Variants in YAE1 observed in about 807,000 individuals in gnomAD.
YAE1 encodes the protein protein YAE1 homolog.
A neutral mutation model predicts 23.0 loss-of-function variants in YAE1; 22 were observed. The ratio of observed to expected loss-of-function variants is 0.96; its 90% CI spans 0.68 to 1.37. The LOEUF is 1.37. Ranked by LOEUF, YAE1 falls within the 40% of genes most tolerant of loss-of-function variation. The pLI is 0.00. For missense variants in YAE1, 260 were observed against 262.1 expected (o/e 0.99, Z 0.06); for synonymous variants, 101 against 97.0 (o/e 1.04, Z -0.24).
intron 2 of YAE1, among the ~76,000 whole-genome samples, chr7:39,583,281 C>T (rs1790772412): frequency 6.6e-6 from 1 of 152,142 alleles, no homozygotes; most frequent in African/African-American, 2.4e-5. Flanking sequence ...GCAGATAAAA[C>T]TCTGGGAGTG....
chr7:39,572,285 T>A lies in YAE1; in HGVS notation c.260T>A (p.Leu87His), dbSNP rs369775449. The stretch of plus-strand genomic sequence containing the variant: ...TTTATACTTTTGTTCAGTGCTTTGC[T>A]CTCCTGGTGTCACCTTCATAATAAT... ...GRLRGTLSAL[L>H]SWCHLHNNNS... is the part of the protein sequence containing the mutation. Residue 87 changes from leucine to histidine, a missense_variant, in exon 3 of 3, where the codon CTC becomes CAC. Physicochemically the swap from Leu to His is moderately conservative, Grantham distance 99 (BLOSUM62 -3). Coordinates refer to ENST00000223273, the MANE Select transcript of YAE1 (RefSeq NM_020192.5). The A allele has an allele frequency of 5.0e-6, 8 of 1,609,168 alleles. No homozygotes were observed. In the African/African-American group the frequency reaches 1.1e-4, roughly 22 times the overall value.
In YAE1 at chr7:39,566,736, A is replaced by G. The variant is rs1278012871; in HGVS notation, c.129+189A>G. On this transcript the variant is annotated intron_variant, in intron 1 of 2. Transcript: ENST00000223273. ...GAAAGCGTGTAAAACAACAAGACGC[A>G]TTCTTTGAGCGCCTACGGGATGCGT... 6 of 778,158 alleles carry G rather than the reference A, an allele frequency of 7.7e-6. No individual in the cohort carries two copies. In the South Asian group the frequency reaches 1.2e-4, roughly 15 times the overall value. The allele number at this position is 778,158 out of a possible 1,614,324, so 48.2% of individuals were successfully genotyped here. A position where few individuals can be genotyped will look rare whatever the true frequency, so the allele number is the denominator to read the frequency against.
intron 2 of YAE1, among the ~76,000 whole-genome samples, chr7:39,583,423 G>A (rs1020557150): frequency 6.6e-6 from 1 of 152,146 alleles, no homozygotes; most frequent in East Asian, 1.9e-4. Flanking sequence ...AACTCCAGGG[G>A]AAAATCAAAA....
At chr7:39,576,390 C>A (rs1022845081), downstream of YAE1, among the ~76,000 whole-genome samples, 1 of 152,146 alleles carries the variant, frequency 6.6e-6, no homozygotes, top group East Asian at 1.9e-4. Flanking sequence ...TTTTTCAGGT[C>A]TTGGCCCAAA....
At chr7:39,566,655 T>C in intron 1 of YAE1, 108 bp downstream of exon 1, 1 of 1,477,022 alleles carries the variant, frequency 6.8e-7, no homozygotes, top group South Asian at 1.3e-5. Context: ...CTGCTCTCTT[T>C]ATCCCTAGGG....
At chr7:39,611,124 G>A (rs964278955), downstream of YAE1, among the ~76,000 whole-genome samples, 27 of 151,576 alleles carry the variant, frequency 1.8e-4, 2 homozygotes, top group Admixed American at 1.5e-3. Context: ...CTCTAGCCTC[G>A]GTGACAGAGT....
intron 2 of YAE1, among the ~76,000 whole-genome samples, chr7:39,583,629 A>G (rs1045962077): frequency 6.6e-6 from 1 of 152,242 alleles, no homozygotes; most frequent in Non-Finnish European, 1.5e-5. Flanking sequence ...TATTTTGTAC[A>G]TGTTAATAAC....
At position 39,570,289 on chromosome 7, in the gene YAE1, G is replaced by A. The variant is rs1401815928; in HGVS notation, c.130-217G>A. ...CTATCAGTGTTTTAAAAATTGCCCG[G>A]TAACTCTAGACTTCAAAAGTGGGAT... is the stretch of plus-strand genomic sequence containing the variant. On this transcript the variant is annotated intron_variant, in intron 1 of 2. Transcript: ENST00000223273. 8 of 669,748 alleles carry A rather than the reference G, an allele frequency of 1.2e-5. No homozygotes were observed. In the East Asian group the frequency reaches 1.4e-4, roughly 12 times the overall value. The allele number at this position is 669,748 out of a possible 1,614,324, so 41.5% of individuals were successfully genotyped here.
At chr7:39,593,835 A>G (rs1268069925) in intron 2 of YAE1, among the ~76,000 whole-genome samples, 1 of 152,156 alleles carries the variant, frequency 6.6e-6, no homozygotes, top group Non-Finnish European at 1.5e-5. Flanking sequence ...TTTCTTTTAC[A>G]TCCTTAGGTA....
intron 1 of YAE1, chr7:39,570,026 G>GC: frequency 7.3e-7 from 1 of 1,363,822 alleles, no homozygotes; most frequent in Non-Finnish European, 1.0e-6. Flanking sequence ...GTTTTGACAA[G>GC]CAGGGCACCA....
chr7:39,599,738 A>G (rs57903899), intron 2 of YAE1, among the ~76,000 whole-genome samples: 4,687 of 150,224 alleles, frequency 0.031, 205 homozygotes, highest in South Asian at 0.18. Context: ...GTATTTATTT[A>G]TTTATTTATT....
At chr7:39,593,331 C>T (rs974950012) in intron 2 of YAE1, among the ~76,000 whole-genome samples, 3 of 151,804 alleles carry the variant, frequency 2.0e-5, no homozygotes, top group Admixed American at 6.6e-5. Flanking sequence ...ATTGCAGGTG[C>T]CTGCCACCAT....
exon 3 of YAE1, chr7:39,610,189 A>C: frequency 1.5e-6 from 1 of 647,040 alleles, no homozygotes; most frequent in Non-Finnish European, 2.7e-6. Context: ...CTCAATACCA[A>C]ACTAGCAGAG....
intron 2 of YAE1, among the ~76,000 whole-genome samples, chr7:39,578,199 A>G (rs1046239162): frequency 2.6e-4 from 39 of 152,340 alleles, no homozygotes; most frequent in East Asian, 1.5e-3. Context: ...CTCTGTGTCT[A>G]GCTAATCTGG....
downstream of YAE1, among the ~76,000 whole-genome samples, chr7:39,575,214 A>T (rs1790634575): frequency 6.6e-6 from 1 of 152,210 alleles, no homozygotes; most frequent in African/African-American, 2.4e-5. Context: ...AACAAATTTC[A>T]TCTAAAATAA....
chr7:39,588,311 AG>A lies in YAE1; in HGVS notation c.251+17685del, dbSNP rs533302200. Among the ~76,000 whole-genome samples, 16 of 152,316 alleles carry A rather than the reference AG, an allele frequency of 1.1e-4. No homozygotes were observed. In the East Asian group the frequency reaches 2.9e-3, roughly 28 times the overall value. On this transcript the variant is annotated intron_variant, in intron 2 of 2. Coordinates refer to the YAE1 transcript ENST00000432096. ...TGGATCACCTGAGGTCAGGAGTTCA[AG>A]AACAGCCTGGCCAACATGGTGAAAC...
chr7:39,593,644 G>C (rs935137065), intron 2 of YAE1, among the ~76,000 whole-genome samples: 2 of 152,078 alleles, frequency 1.3e-5, no homozygotes, highest in African/African-American at 4.8e-5. Context: ...TATCTAAAGA[G>C]ACAGGGTTTT....
At chr7:39,586,859 G>GT (rs1394917989) in intron 2 of YAE1, among the ~76,000 whole-genome samples, 1 of 152,172 alleles carries the variant, frequency 6.6e-6, no homozygotes, top group African/African-American at 2.4e-5. Context: ...CTTTGCTTAC[G>GT]TTGTCTTGGA....
At chr7:39,598,294 G>C (rs1791006671) in intron 2 of YAE1, among the ~76,000 whole-genome samples, 1 of 151,988 alleles carries the variant, frequency 6.6e-6, no homozygotes, top group Non-Finnish European at 1.5e-5. Context: ...ATTTTTAGTA[G>C]AGATGGGGTT....
Sources: allele counts gnomAD v4.1 joint callset (sites outside exome capture counted in the v4.1 genomes callset), GRCh38; gene constraint gnomAD v4.1.1; transcripts MANE v1.5; gene names NCBI Gene and HGNC (gene_info 2026-07-23, HGNC 2026-07-21).